ASPRV1: variants seen among roughly 807,000 people sequenced by gnomAD.
The protein encoded by ASPRV1 is aspartic peptidase retroviral like 1.
A neutral mutation model predicts 11.0 loss-of-function variants in ASPRV1; 7 were observed. The ratio of observed to expected loss-of-function variants is 0.64; its 90% confidence interval spans 0.36 to 1.20. The LOEUF (loss-of-function observed/expected upper bound fraction) is 1.20. ASPRV1 is among the 50% of genes most tolerant of loss of function. The probability of loss-of-function intolerance (pLI) is 0.02; values close to 1 mark genes in which losing one functional copy is unlikely to be tolerated. For missense variants in ASPRV1, 299 were observed against 320.0 expected, an observed-to-expected ratio of 0.93 and a Z score of 0.50; for synonymous variants, 136 against 138.4, an observed-to-expected ratio of 0.98 and a Z score of 0.12.
chr2:69,996,486 C>A, the ASPRV1 span, among the ~76,000 whole-genome samples: 1 of 152,124 alleles, frequency 6.6e-6, no homozygotes, highest in African/African-American at 2.4e-5. Flanking sequence ...CACATGTGGC[C>A]AGTAGCTACT....
the ASPRV1 span, among the ~76,000 whole-genome samples, chr2:69,952,461 T>A: frequency 6.7e-6 from 1 of 148,404 alleles, no homozygotes. Context: ...GCTGTGATCG[T>A]GACACTGCAC....
chr2:70,074,839 A>G, the ASPRV1 span, among the ~76,000 whole-genome samples: 1 of 150,714 alleles, frequency 6.6e-6, no homozygotes, highest in Non-Finnish European at 1.5e-5. Flanking sequence ...ACTCGGGGCC[A>G]GGCGCAGTGG....
the ASPRV1 span, among the ~76,000 whole-genome samples, chr2:69,986,887 G>C: frequency 1.3e-5 from 2 of 152,218 alleles, no homozygotes; most frequent in African/African-American, 4.8e-5. Flanking sequence ...TGGAGCTGAA[G>C]AGGCGTCCTG....
the ASPRV1 span, among the ~76,000 whole-genome samples, chr2:70,022,217 G>A: frequency 7.9e-5 from 12 of 151,182 alleles, no homozygotes; most frequent in East Asian, 5.9e-4. Context: ...GGGTTTCACC[G>A]TGTTAGCCAG....
the ASPRV1 span, among the ~76,000 whole-genome samples, chr2:70,002,181 C>G: frequency 6.6e-6 from 1 of 152,210 alleles, no homozygotes; most frequent in Non-Finnish European, 1.5e-5. Flanking sequence ...CCCCACCATA[C>G]CCCCACCTTT....
At chr2:70,027,673 T>C in the ASPRV1 span, among the ~76,000 whole-genome samples, 19 of 152,050 alleles carry the variant, frequency 1.2e-4, no homozygotes, top group Non-Finnish European at 2.6e-4. Flanking sequence ...AGTAAAATGG[T>C]GGTTACTACA....
At chr2:70,066,686 C>A in the ASPRV1 span, among the ~76,000 whole-genome samples, 5 of 152,124 alleles carry the variant, frequency 3.3e-5, no homozygotes, top group African/African-American at 7.2e-5. Flanking sequence ...CAGCTTCAAC[C>A]TCCCAAGCTC....
chr2:69,956,451 G>GGAAGAAGAAGAA (rs112463800), downstream of ASPRV1, among the ~76,000 whole-genome samples: 171 of 98,048 alleles, frequency 1.7e-3, 9 homozygotes, highest in African/African-American at 8.3e-3. Context: ...AAGGAGAAGA[G>GGAAGAAGAAGAA]GAAGAAGAAG....
the ASPRV1 span, among the ~76,000 whole-genome samples, chr2:69,974,122 G>A: frequency 6.6e-6 from 1 of 152,202 alleles, no homozygotes; most frequent in Non-Finnish European, 1.5e-5. Context: ...CAGATCACCT[G>A]ACGTCAGGAG....
At chr2:70,075,752 G>A in the ASPRV1 span, among the ~76,000 whole-genome samples, 1 of 152,156 alleles carries the variant, frequency 6.6e-6, no homozygotes, top group Non-Finnish European at 1.5e-5. Context: ...GGGAGGCTGA[G>A]GCAGGAGAAT....
At chr2:69,959,497 C>T (rs1232252119), downstream of ASPRV1, among the ~76,000 whole-genome samples, 1 of 152,138 alleles carries the variant, frequency 6.6e-6, no homozygotes, top group Non-Finnish European at 1.5e-5. Flanking sequence ...AAGAGATGCA[C>T]ACCCCATTCC....
At chr2:70,043,329 A>T in the ASPRV1 span, among the ~76,000 whole-genome samples, 2 of 152,130 alleles carry the variant, frequency 1.3e-5, no homozygotes, top group African/African-American at 4.8e-5. Flanking sequence ...AAGGCAGGAA[A>T]ATCACTTGAA....
chr2:69,961,895 G>A (rs879610158), upstream of ASPRV1: 67 of 504,368 alleles, frequency 1.3e-4, no homozygotes, highest in Non-Finnish European at 2.0e-4. Context: ...ATGAGGACAC[G>A]GAGGATGTGA....
In ASPRV1 at chr2:69,961,321, A is replaced by C. The variant is rs757025154; in HGVS notation, c.116T>G (p.Ile39Ser). 1 of 1,614,110 alleles carries C rather than the reference A, an allele frequency of 6.2e-7. No homozygotes were observed. The highest frequency in any genetic ancestry group is 1.6e-4 in the Middle Eastern group (1 of 6,062). The change falls in exon 1 of 1, where the codon ATC becomes AGC. Residue 39 changes from isoleucine (I) to serine (S), a missense_variant. Transcript: ENST00000320256. ...ATGGTCCCAATGGTTGAGGTCATTG[A>C]TGACTTCAAAGCTGTGCAGCCAGAG... is the stretch of plus-strand genomic sequence containing the variant. ...PNLWLHSFEV[I>S]NDLNHWDHIT...
the ASPRV1 span, among the ~76,000 whole-genome samples, chr2:70,082,827 G>C: frequency 2.6e-5 from 4 of 152,330 alleles, no homozygotes; most frequent in South Asian, 2.1e-4. Flanking sequence ...CTGGGGGATA[G>C]AGGTGGCAGT....
At chr2:69,969,037 T>C in the ASPRV1 span, among the ~76,000 whole-genome samples, 2 of 152,228 alleles carry the variant, frequency 1.3e-5, no homozygotes, top group Admixed American at 1.3e-4. Context: ...CACATGATCC[T>C]GTATCTCCTT....
At chr2:70,005,673 A>G in the ASPRV1 span, among the ~76,000 whole-genome samples, 248 of 146,164 alleles carry the variant, frequency 1.7e-3, no homozygotes, top group Non-Finnish European at 2.7e-3. Flanking sequence ...AGCCACATTT[A>G]GTAAACTTTG....
At chr2:69,962,527 T>C (rs1488483329), upstream of ASPRV1, 1 of 152,416 alleles carries the variant, frequency 6.6e-6, no homozygotes, top group African/African-American at 2.4e-5. Flanking sequence ...ATGTTGGTGA[T>C]GCCAGTGGTG....
chr2:69,945,487 T>C, the ASPRV1 span, among the ~76,000 whole-genome samples: 1 of 152,208 alleles, frequency 6.6e-6, no homozygotes, highest in East Asian at 1.9e-4. Flanking sequence ...TCTGCGAGTG[T>C]CCTTGTGGAG....
Sources: allele counts gnomAD v4.1 joint callset (sites outside exome capture counted in the v4.1 genomes callset), GRCh38; gene constraint gnomAD v4.1.1; transcripts MANE v1.5; gene names NCBI Gene and HGNC (gene_info 2026-07-23, HGNC 2026-07-21).